C11orf71: variants seen among roughly 807,000 people sequenced by gnomAD.
The protein encoded by C11orf71 is chromosome 11 open reading frame 71.
For synonymous variants in C11orf71, 72 were observed against 73.4 expected, an observed-to-expected ratio of 0.98 and a Z score of 0.09; for missense variants, 179 against 167.6, an observed-to-expected ratio of 1.07 and a Z score of -0.38.
Position 114,400,019 on chromosome 11 carries a change from C to T in C11orf71, c.313G>A (p.Val105Met). The change falls in exon 1 of 1, where the codon GTG becomes ATG. Residue 105 changes from valine to methionine, a missense_variant. Val to Met is a conservative substitution (Grantham distance 21). Transcript: ENST00000623205. Reference sequence around the variant, plus strand: ...AATGCAATCAAACGCTGTTGCAGCACACTTCTTAGGAGATCGGGTTCAACG... The same window carrying T: ...AATGCAATCAAACGCTGTTGCAGCATACTTCTTAGGAGATCGGGTTCAACG... ...PAVEPDLLRS[V>M]LQQRLIALGG... 6.2e-7 allele frequency: 1 copy of T among 1,613,926 alleles called. No individual in the cohort carries two copies. Among genetic ancestry groups the T allele is most frequent in the Non-Finnish European group, 8.5e-7 (1 of 1,179,814 alleles).
downstream of C11orf71, among the ~76,000 whole-genome samples, chr11:114,394,228 C>CTTTTCTTTCCTTTCTTTTCT: frequency 2.1e-5 from 1 of 48,704 alleles, no homozygotes; most frequent in Admixed American, 2.7e-4. Context: ...CTTTTCTTTT[C>CTTTTCTTTCCTTTCTTTTCT]TTTCTTTTCT....
chr11:114,394,747 T>C (rs1946117908), downstream of C11orf71, among the ~76,000 whole-genome samples: 1 of 152,056 alleles, frequency 6.6e-6, no homozygotes, highest in East Asian at 1.9e-4. Flanking sequence ...ATTTTGGGCA[T>C]AGGTTTCCAG....
chr11:114,391,568 T>C (rs1946072099), exon 2 of C11orf71: 9 of 1,509,672 alleles, frequency 6.0e-6, no homozygotes, highest in Non-Finnish European at 8.0e-6. Flanking sequence ...AATCAGTTCA[T>C]ATTACTAAAA....
chr11:114,392,247 T>C (rs1160911846), intron 1 of C11orf71, among the ~76,000 whole-genome samples: 1 of 151,744 alleles, frequency 6.6e-6, no homozygotes, highest in Admixed American at 6.6e-5. Flanking sequence ...TACAAAAAAA[T>C]TAGCTAAGGG....
Position 114,400,476 on chromosome 11 carries a change from C to T in C11orf71, c.-145G>A. On this transcript the variant is annotated 5_prime_UTR_variant, in exon 1 of 1. Transcript: ENST00000623205. ...CTGAGCCTGCGGAAGAGCCAGAAGCCGCCTTGCCTTTAACGAGGGGTATCC... is the reference window on the plus strand; with the variant it reads ...CTGAGCCTGCGGAAGAGCCAGAAGCTGCCTTGCCTTTAACGAGGGGTATCC... 3 of 1,303,338 alleles carry T rather than the reference C, an allele frequency of 2.3e-6. No homozygotes were observed. Among genetic ancestry groups the T allele is most frequent in the Non-Finnish European group, 3.1e-6 (3 of 965,126 alleles). The allele number at this position is 1,303,338 out of a possible 1,614,324, so 80.7% of individuals were successfully genotyped here.
chr11:114,393,636 T>C (rs1946089442), downstream of C11orf71, among the ~76,000 whole-genome samples: 1 of 152,236 alleles, frequency 6.6e-6, no homozygotes, highest in Non-Finnish European at 1.5e-5. Context: ...GCATTCGCTA[T>C]TGATTTTGAT....
downstream of C11orf71, among the ~76,000 whole-genome samples, chr11:114,397,299 A>G: frequency 6.6e-6 from 1 of 152,192 alleles, no homozygotes; most frequent in Non-Finnish European, 1.5e-5. Context: ...TTTGTGCACT[A>G]ATATATGGAT....
At chr11:114,392,529 C>CAAAAAAAAAAAAAAAAAAAAAAA (rs386374967) in intron 1 of C11orf71, among the ~76,000 whole-genome samples, 1 of 51,690 alleles carries the variant, frequency 1.9e-5, no homozygotes, top group Non-Finnish European at 3.4e-5. Context: ...TAGAATGAGA[C>CAAAAAAAAAAAAAAAAAAAAAAA]AAAAAAAAAA....
intron 1 of C11orf71, among the ~76,000 whole-genome samples, chr11:114,392,308 C>T (rs56959632): frequency 1.3e-5 from 2 of 151,746 alleles, no homozygotes; most frequent in South Asian, 2.1e-4. Flanking sequence ...GAGGCCGAGG[C>T]GAGTGGATCA....
In C11orf71 at chr11:114,399,762, G is replaced by T. The variant is rs1946164894; in HGVS notation, c.*198C>A. ...CTTCCACACCTTTCCTGATCCAATC[G>T]TTCTGGCTGCATAAAACCACCTAAA... On this transcript the variant is annotated 3_prime_UTR_variant, in exon 1 of 1. Coordinates refer to ENST00000623205, the MANE Select transcript of C11orf71 (RefSeq NM_001271562.2). 2.5e-6 allele frequency: 2 copies of T among 816,166 alleles called. No individual in the cohort carries two copies. Among genetic ancestry groups the T allele is most frequent in the Non-Finnish European group, 3.6e-6 (2 of 548,416 alleles). The allele number at this position is 816,166 out of a possible 1,614,324, so 50.6% of individuals were successfully genotyped here.
At chr11:114,392,186 C>A (rs918793559) in intron 1 of C11orf71, among the ~76,000 whole-genome samples, 1 of 151,854 alleles carries the variant, frequency 6.6e-6, no homozygotes, top group Non-Finnish European at 1.5e-5. Context: ...GCAGATCACT[C>A]GAGCCCAGGA....
downstream of C11orf71, among the ~76,000 whole-genome samples, chr11:114,396,033 A>C (rs114183241): frequency 8.9e-3 from 1,349 of 152,324 alleles, 20 homozygotes; most frequent in African/African-American, 0.031. Context: ...GCCTGGTACT[A>C]CAGGCCCGAC....
At chr11:114,397,447 AC>A (rs1946137894), downstream of C11orf71, among the ~76,000 whole-genome samples, 1 of 152,198 alleles carries the variant, frequency 6.6e-6, no homozygotes, top group Non-Finnish European at 1.5e-5. Context: ...CTTGAATGCT[AC>A]TGCAGATGTT....
chr11:114,394,237 C>CT (rs1318969754), downstream of C11orf71, among the ~76,000 whole-genome samples: 7 of 45,990 alleles, frequency 1.5e-4, no homozygotes, highest in Admixed American at 6.2e-4. Flanking sequence ...TCTTTCTTTT[C>CT]TTTTCTTTTC....
chr11:114,392,548 A>AAAAG lies in C11orf71; in HGVS notation c.344-884_344-883insCTTT, dbSNP rs1461395379. ...ATGAGACAAAAAAAAAAAAAAAAAA[A>AAAAG]AAGAAGAAGAAGAAGAAGAAAAAAG... On this transcript the variant is annotated intron_variant, in intron 1 of 1. Transcript: ENST00000325636. Among the ~76,000 whole-genome samples, 141 of 124,844 alleles carry AAAAG rather than the reference A, an allele frequency of 1.1e-3. No homozygotes were observed. The Middle Eastern group carries it at 0.012, about 11-fold the overall frequency. The allele number at this position is 124,844 out of a possible 152,430, so 81.9% of individuals were successfully genotyped here.
Position 114,400,097 on chromosome 11 carries a change from C to A in C11orf71, c.235G>T (p.Asp79Tyr), listed in dbSNP as rs1051890. The change falls in exon 1 of 1, where the codon GAT becomes TAT. Residue 79 changes from aspartate to tyrosine, a missense_variant. Asp to Tyr is a radical substitution (Grantham distance 160, BLOSUM62 -3). Coordinates refer to ENST00000623205, the MANE Select transcript of C11orf71 (RefSeq NM_001271562.2). ...DGGGRSPREP[D>Y]GRGRSRQARF... ...GCTTGGCGGCTCCGGCCCCGGCCAT[C>A]TGGTTCCCTTGGGCTCCGGCCGCCA... 1 of 1,613,798 alleles carries A rather than the reference C, an allele frequency of 6.2e-7. No homozygotes were observed. Among genetic ancestry groups the A allele is most frequent in the South Asian group, 1.1e-5 (1 of 91,084 alleles).
downstream of C11orf71, among the ~76,000 whole-genome samples, chr11:114,397,360 T>C (rs1170970748): frequency 4.6e-5 from 7 of 152,232 alleles, no homozygotes; most frequent in African/African-American, 7.2e-5. Flanking sequence ...CTGCTTTAGA[T>C]AATTTAATTA....
At position 114,400,393 on chromosome 11, in the gene C11orf71, T is replaced by C; in HGVS notation, c.-62A>G. On this transcript the variant is annotated 5_prime_UTR_variant, in exon 1 of 1. Transcript: ENST00000623205. Reference sequence around the variant, plus strand: ...TTTGTGAAGGCAGGCCCTTCGCGGCTCCCCAGATCAGTCCAGCCTGTGTCG... The same window carrying C: ...TTTGTGAAGGCAGGCCCTTCGCGGCCCCCCAGATCAGTCCAGCCTGTGTCG... 2.0e-6 allele frequency: 3 copies of C among 1,517,336 alleles called. No homozygotes were observed. The highest frequency in any genetic ancestry group is 2.7e-6 in the Non-Finnish European group (3 of 1,130,130). The allele number at this position is 1,517,336 out of a possible 1,614,324, so 94.0% of individuals were successfully genotyped here. A position where few individuals can be genotyped will look rare whatever the true frequency, so the allele number is the denominator to read the frequency against.
chr11:114,398,627 T>A lies in C11orf71; in HGVS notation c.*1333A>T, dbSNP rs941329144. 1.2e-4 allele frequency: 18 copies of A among 152,154 alleles called. No individual in the cohort carries two copies. Among genetic ancestry groups the A allele is most frequent in the African/African-American group, 3.9e-4 (16 of 41,432 alleles). 9.4% of individuals were successfully genotyped at this position (152,154 alleles called of 1,614,324 possible). On this transcript the variant is annotated 3_prime_UTR_variant, in exon 1 of 1. Coordinates refer to ENST00000623205, the MANE Select transcript of C11orf71 (RefSeq NM_001271562.2). ...TAAATATCTCTATAAACAATAGAAG[T>A]CCTAGCACACTGACTTGCACATAGC...
Sources: gnomAD v4.1 joint callset for allele counts (sites outside exome capture counted in the v4.1 genomes callset) on GRCh38, gnomAD v4.1.1 for gene constraint, MANE v1.5 for transcripts, NCBI Gene and HGNC (gene_info 2026-07-23, HGNC 2026-07-21) for gene names.